The following PRH1 variants were observed in gnomAD, a reference collection of about 807,000 sequenced individuals.
PRH1 encodes the protein salivary acidic proline-rich phosphoprotein 1/2.
PRH1 carries 7 observed loss-of-function variants against 7.9 expected under a neutral mutation model. The ratio of observed to expected loss-of-function variants is 0.89; its 90% CI spans 0.50 to 1.67. PRH1 has a LOEUF of 1.67. PRH1 is among the 40% of genes most tolerant of loss of function. The pLI is 0.00. For missense variants in PRH1, 109 were observed against 223.6 expected (o/e 0.49, Z 3.27); for synonymous variants, 45 against 80.8 (o/e 0.56, Z 2.38).
chr12:11,106,486 ATTGT>A, intron 1 of PRH1, among the ~76,000 whole-genome samples: 1 of 152,196 alleles, frequency 6.6e-6, no homozygotes, highest in African/African-American at 2.4e-5. Context: ...AGTTTACTTA[ATTGT>A]TAAATATTAA....
chr12:11,000,606 C>G (rs1458275042), intron 1 of PRH1, among the ~76,000 whole-genome samples: 1 of 152,054 alleles, frequency 6.6e-6, no homozygotes, highest in Non-Finnish European at 1.5e-5. Context: ...TGGATTAATA[C>G]ATTTTATCAC....
chr12:11,135,380 C>A (rs1319428417), intron 1 of PRH1, among the ~76,000 whole-genome samples: 1 of 152,044 alleles, frequency 6.6e-6, no homozygotes, highest in Non-Finnish European at 1.5e-5. Context: ...GTACACTGTT[C>A]CCAGAAGGAG....
At chr12:10,940,674 C>G (rs866038343) in intron 2 of PRH1, among the ~76,000 whole-genome samples, 29 of 152,326 alleles carry the variant, frequency 1.9e-4, no homozygotes, top group Admixed American at 3.3e-4. Flanking sequence ...GACATACTGT[C>G]TAGCCAAGAC....
At chr12:10,929,035 A>G (rs534445322) in intron 2 of PRH1, among the ~76,000 whole-genome samples, 2 of 152,286 alleles carry the variant, frequency 1.3e-5, no homozygotes, top group East Asian at 1.9e-4. Flanking sequence ...TCATAGTTGT[A>G]CCTTTTAGAA....
At chr12:10,938,770 T>A in intron 2 of PRH1, 1 of 1,613,580 alleles carries the variant, frequency 6.2e-7, no homozygotes, top group Non-Finnish European at 8.5e-7. Flanking sequence ...TGTTTATCAG[T>A]GCAATATTTA....
At chr12:10,986,094 C>T (rs760495089) in intron 1 of PRH1, 6 of 1,613,774 alleles carry the variant, frequency 3.7e-6, no homozygotes, top group South Asian at 2.2e-5. Context: ...CGGGTCATTC[C>T]GCAGCCTCCT....
chr12:11,170,141 T>C (rs1377841676), intron 1 of PRH1, among the ~76,000 whole-genome samples: 2 of 152,174 alleles, frequency 1.3e-5, no homozygotes, highest in Non-Finnish European at 2.9e-5. Context: ...ATACAGTGCT[T>C]TCTAGTTAAA....
intron 1 of PRH1, among the ~76,000 whole-genome samples, chr12:11,002,982 A>C (rs932990717): frequency 1.3e-5 from 2 of 151,978 alleles, no homozygotes; most frequent in South Asian, 2.1e-4. Flanking sequence ...AAAATTCCCT[A>C]ATTGCTGCCA....
chr12:10,906,597 G>A (rs531478694), intron 2 of PRH1, among the ~76,000 whole-genome samples: 4 of 152,240 alleles, frequency 2.6e-5, no homozygotes, highest in African/African-American at 7.2e-5. Flanking sequence ...TTGAATGATG[G>A]GGGTGGTTTC....
rs1475548456 is a variant in PRH1 at position 11,132,730 on chromosome 12, T to C, written n.40-11550A>G. 3.5e-5 allele frequency among the ~76,000 whole-genome samples: 5 copies of C among 144,162 alleles called. No individual in the cohort carries two copies. The East Asian group carries it at 8.0e-4, about 23-fold the overall frequency. The allele number at this position is 144,162 out of a possible 152,430, so 94.6% of individuals were successfully genotyped here. A position where few individuals can be genotyped will look rare whatever the true frequency, so the allele number is the denominator to read the frequency against. On this transcript the variant is annotated intron_variant and non_coding_transcript_variant, in intron 1 of 1. Transcript: ENST00000541175. ...CTCAAATTTTATTGTGTTCATTGTT[T>C]TGTAACAATAATTCTGATTGCTTTT...
chr12:10,986,042 T>C (rs1477046709), intron 1 of PRH1: 10 of 1,614,064 alleles, frequency 6.2e-6, no homozygotes, highest in East Asian at 2.2e-5. Flanking sequence ...ATGAGTCGAA[T>C]GCAAGATATA....
intron 1 of PRH1, among the ~76,000 whole-genome samples, chr12:11,004,119 G>C (rs1940716838): frequency 6.6e-6 from 1 of 152,040 alleles, no homozygotes; most frequent in African/African-American, 2.4e-5. Flanking sequence ...AATCCTAGGA[G>C]CAGTGTATGA....
At chr12:11,025,395 C>A (rs1206786151) in intron 1 of PRH1, among the ~76,000 whole-genome samples, 1 of 152,282 alleles carries the variant, frequency 6.6e-6, no homozygotes, top group African/African-American at 2.4e-5. Flanking sequence ...TGAATTCCTG[C>A]TTCCATGTTT....
intron 2 of PRH1, chr12:10,937,966 T>G (rs915763843): frequency 2.6e-5 from 7 of 272,086 alleles, no homozygotes; most frequent in African/African-American, 1.6e-4. Context: ...ACACATGTAT[T>G]TTATACATTA....
chr12:10,891,694 C>G (rs1055010133), intron 2 of PRH1: 1 of 152,190 alleles, frequency 6.6e-6, no homozygotes, highest in Non-Finnish European at 1.5e-5. Context: ...TTATTATTCA[C>G]TGAAGTACTA....
Position 10,923,512 on chromosome 12 carries a change from ATTAG to A in PRH1, c.-58-39241_-58-39238del, listed in dbSNP as rs1950081544. Reference sequence around the variant, plus strand: ...TGTTTACTTTAAATGTTATGTGATTATTAGTTATAATTCAGTTAAATATGACAAA... The same window carrying A: ...TGTTTACTTTAAATGTTATGTGATTATTATAATTCAGTTAAATATGACAAA... On this transcript the variant is annotated intron_variant, in intron 2 of 3. Transcript: ENST00000539853. Among the ~76,000 whole-genome samples, 3 of 152,230 alleles carry A rather than the reference ATTAG, an allele frequency of 2.0e-5. No individual in the cohort carries two copies. The South Asian group carries it at 6.2e-4, about 31-fold the overall frequency.
At chr12:11,020,370 A>ATATATATATATC (rs1941550666) in intron 1 of PRH1, among the ~76,000 whole-genome samples, 1 of 74,618 alleles carries the variant, frequency 1.3e-5, no homozygotes, top group East Asian at 1.3e-3. Flanking sequence ...AGCGATATAT[A>ATATATATATATC]TATATATATA....
intron 1 of PRH1, among the ~76,000 whole-genome samples, chr12:11,131,750 T>A (rs1321547148): frequency 6.6e-6 from 1 of 152,214 alleles, no homozygotes; most frequent in East Asian, 1.9e-4. Flanking sequence ...ACTTTTCCTC[T>A]GAGGAAGGAT....
intron 2 of PRH1, chr12:10,931,199 A>C (rs1168830630): frequency 6.5e-7 from 1 of 1,526,846 alleles, no homozygotes; most frequent in African/African-American, 1.4e-5. Flanking sequence ...CACATTTCTC[A>C]TGAGTTTTGT....
Sources: allele counts gnomAD v4.1 joint callset (sites outside exome capture counted in the v4.1 genomes callset), GRCh38; gene constraint gnomAD v4.1.1; transcripts MANE v1.5; gene names NCBI Gene and HGNC (gene_info 2026-07-23, HGNC 2026-07-21).